The following KAZN variants were observed in gnomAD, a reference collection of about 807,000 sequenced individuals.
The protein encoded by KAZN is kazrin, periplakin interacting protein.
KAZN carries 40 observed loss-of-function variants against 87.4 expected under a neutral mutation model. The ratio of observed to expected loss-of-function variants is 0.46; its 90% CI spans 0.36 to 0.60. The LOEUF is 0.60. Among genes scored for constraint, KAZN ranks in the 20% least tolerant of loss-of-function variants. The probability of loss-of-function intolerance (pLI) is 0.00; values close to 1 mark genes in which losing one functional copy is unlikely to be tolerated. For synonymous variants in KAZN, 466 were observed against 458.3 expected, an observed-to-expected ratio of 1.02 and a Z score of -0.22; for missense variants, 898 against 1,073.9, an observed-to-expected ratio of 0.84 and a Z score of 2.29.
chr1:14,340,888 CTTTTTT>C (rs3085672), intron 2 of KAZN, among the ~76,000 whole-genome samples: 1 of 103,172 alleles, frequency 9.7e-6, no homozygotes, highest in Non-Finnish European at 1.8e-5. Context: ...ATGATTTTCC[CTTTTTT>C]TTTTTTTTTT....
chr1:14,101,507 A>G (rs374043106), intron 1 of KAZN, among the ~76,000 whole-genome samples: 1 of 152,118 alleles, frequency 6.6e-6, no homozygotes, highest in African/African-American at 2.4e-5. Context: ...CTGGCTGGGG[A>G]TGGGAGTAGG....
At chr1:14,608,986 C>T (rs146233934) in intron 1 of KAZN, among the ~76,000 whole-genome samples, 147 of 152,064 alleles carry the variant, frequency 9.7e-4, no homozygotes, top group Non-Finnish European at 1.4e-3. Flanking sequence ...ATACGCTCAC[C>T]GTTTCTTGAT....
chr1:13,915,944 G>A (rs994259045), intron 1 of KAZN, among the ~76,000 whole-genome samples: 2 of 152,196 alleles, frequency 1.3e-5, no homozygotes, highest in African/African-American at 4.8e-5. Flanking sequence ...AATAGGAGAG[G>A]TGAAGATCCA....
chr1:14,177,912 GA>G (rs1646118639), intron 1 of KAZN, among the ~76,000 whole-genome samples: 2 of 151,826 alleles, frequency 1.3e-5, no homozygotes, highest in East Asian at 1.9e-4. Context: ...ATCAAATATG[GA>G]AAAAAATTGT....
chr1:14,387,581 G>A, intron 2 of KAZN, among the ~76,000 whole-genome samples: 1 of 152,176 alleles, frequency 6.6e-6, no homozygotes, highest in East Asian at 1.9e-4. Context: ...CATGTGAGAT[G>A]TCAGTCTGCC....
At chr1:14,206,070 A>C (rs1473579902) in intron 2 of KAZN, among the ~76,000 whole-genome samples, 1 of 152,104 alleles carries the variant, frequency 6.6e-6, no homozygotes, top group Non-Finnish European at 1.5e-5. Context: ...ACATTACTGC[A>C]TGGGCAATGT....
intron 1 of KAZN, among the ~76,000 whole-genome samples, chr1:14,904,970 C>G (rs1415066232): frequency 6.6e-6 from 1 of 152,122 alleles, no homozygotes; most frequent in Non-Finnish European, 1.5e-5. Context: ...ACGGTGTTAG[C>G]CAGGATGGTC....
At chr1:14,910,061 T>TAATGAATGAATGAATGAATGAATG (rs113826124) in intron 1 of KAZN, among the ~76,000 whole-genome samples, 102 of 147,354 alleles carry the variant, frequency 6.9e-4, no homozygotes, top group Non-Finnish European at 1.9e-4. Context: ...AATAAATAAA[T>TAATGAATGAATGAATGAATGAATG]AATGAATGAA....
intron 2 of KAZN, among the ~76,000 whole-genome samples, chr1:14,420,398 C>T (rs534906450): frequency 1.4e-4 from 21 of 152,346 alleles, no homozygotes; most frequent in African/African-American, 3.8e-4. Context: ...CAAGTACCCA[C>T]CCGACTCAGG....
In KAZN at chr1:13,896,819, C is replaced by T. The variant is rs536988882; in HGVS notation, c.91+3063C>T. On this transcript the variant is annotated intron_variant, in intron 1 of 16. Transcript: ENST00000636203. ...AAAAAGTTGATTTCCAGAAATGGAG[C>T]GGTAAGGATGCTTAAAGAGGTGGGA... Among the ~76,000 whole-genome samples the T allele has an allele frequency of 1.6e-4, 24 of 152,118 alleles. 3 individuals carry two copies. Among genetic ancestry groups the T allele is most frequent in the South Asian group, 1.2e-3 (6 of 4,808 alleles).
At chr1:14,144,296 C>G (rs879686939) in intron 1 of KAZN, among the ~76,000 whole-genome samples, 2 of 152,084 alleles carry the variant, frequency 1.3e-5, no homozygotes, top group Non-Finnish European at 2.9e-5. Context: ...GCATGTCTTC[C>G]CCTTGTCTTT....
At chr1:14,299,480 G>A (rs143681845) in intron 2 of KAZN, among the ~76,000 whole-genome samples, 15 of 152,250 alleles carry the variant, frequency 9.9e-5, no homozygotes, top group African/African-American at 3.6e-4. Context: ...TCCAGACTGG[G>A]CGACAGAGCA....
intron 1 of KAZN, among the ~76,000 whole-genome samples, chr1:13,936,096 G>GTTGTTTTTT (rs1640726734): frequency 1.2e-5 from 1 of 84,840 alleles, no homozygotes; most frequent in South Asian, 6.1e-4. Context: ...TACAAGTGCA[G>GTTGTTTTTT]TTTTTTTTTT....
At chr1:14,396,815 G>A (rs1180119559) in intron 2 of KAZN, among the ~76,000 whole-genome samples, 1 of 152,064 alleles carries the variant, frequency 6.6e-6, no homozygotes, top group Non-Finnish European at 1.5e-5. Flanking sequence ...TTAGCTGTGA[G>A]ATTGAAAAAG....
chr1:14,691,356 T>G (rs1278540387), intron 1 of KAZN, among the ~76,000 whole-genome samples: 1 of 152,232 alleles, frequency 6.6e-6, no homozygotes, highest in Non-Finnish European at 1.5e-5. Context: ...ACACAAACTC[T>G]ACAAATATAT....
At position 14,909,552 on chromosome 1, in the gene KAZN, C is replaced by T. The variant is rs1657005954; in HGVS notation, c.227-51132C>T. 3.3e-5 allele frequency among the ~76,000 whole-genome samples: 5 copies of T among 152,338 alleles called. No homozygotes were observed. In the South Asian group the frequency reaches 1.0e-3, roughly 32 times the overall value. On this transcript the variant is annotated intron_variant, in intron 1 of 14. Coordinates refer to ENST00000376030, the MANE Select transcript of KAZN (RefSeq NM_201628.3). ...CTGCCCACAGTGCCCACCTGCCCAT[C>T]TCTGCTGATCTAGATTGCATCTTTC...
rs1022293109 is a variant in KAZN at position 14,049,352 on chromosome 1, G to A, written c.92-131083G>A. ...GAGCGGGGAGGGATAGCATTAGGAG[G>A]TATACCTAATGTTAAATGACAAGTT... On this transcript the variant is annotated intron_variant, in intron 1 of 16. Transcript: ENST00000636203. Among the ~76,000 whole-genome samples the A allele has an allele frequency of 7.2e-5, 11 of 152,200 alleles. No homozygotes were observed. The East Asian group carries it at 7.7e-4, about 11-fold the overall frequency.
intron 13 of KAZN, chr1:15,112,036 C>T (rs528563249): frequency 2.1e-5 from 4 of 192,214 alleles, no homozygotes; most frequent in African/African-American, 6.9e-5. Context: ...AATTAGCTAC[C>T]ATGCTGAGAT....
rs1254616113 is a variant in KAZN, at chr1:15,021,999, T to A, written c.419-12750T>A. Among the ~76,000 whole-genome samples the A allele has an allele frequency of 6.6e-6, 1 of 152,166 alleles. No homozygotes were observed. Among genetic ancestry groups the A allele is most frequent in the Non-Finnish European group, 1.5e-5 (1 of 68,026 alleles). On this transcript the variant is annotated intron_variant, in intron 2 of 14. Coordinates refer to ENST00000376030, the MANE Select transcript of KAZN (RefSeq NM_201628.3). The surrounding 1 kb of genome is among the most constrained non-coding windows in gnomAD (Gnocchi z 4.2). The stretch of plus-strand genomic sequence containing the variant: ...AACCATCAGATCTCGTGAGACTTAT[T>A]CACTGCCATGAGAACAGTACAGGGA...
Sources: allele counts gnomAD v4.1 joint callset (sites outside exome capture counted in the v4.1 genomes callset), GRCh38; gene constraint gnomAD v4.1.1; non-coding constraint Gnocchi (gnomAD v3.1); transcripts MANE v1.5; gene names NCBI Gene and HGNC (gene_info 2026-07-23, HGNC 2026-07-21).